NOS1AP: variants seen among roughly 807,000 people sequenced by gnomAD.
The protein encoded by NOS1AP is nitric oxide synthase 1 adaptor protein.
Under a neutral mutation model 56.2 loss-of-function variants are expected in NOS1AP, and 21 were observed. That is an observed-to-expected ratio of 0.37 (90% CI 0.26 to 0.54). The LOEUF (loss-of-function observed/expected upper bound fraction) is 0.54, where lower values mean the gene tolerates loss of function less well. Among genes scored for constraint, NOS1AP ranks in the 20% least tolerant of loss-of-function variants. The pLI is 0.84. For synonymous variants in NOS1AP, 270 were observed against 274.6 expected, an observed-to-expected ratio of 0.98 and a Z score of 0.17; for missense variants, 522 against 657.8, an observed-to-expected ratio of 0.79 and a Z score of 2.26.
At position 162,333,001 on chromosome 1, in the gene NOS1AP, G is replaced by A. The variant is rs1485851876; in HGVS notation, c.345-16G>A. The A allele has an allele frequency of 1.3e-6, 2 of 1,588,090 alleles. No homozygotes were observed. Among genetic ancestry groups the A allele is most frequent in the Admixed American group, 1.7e-5 (1 of 59,936 alleles). On this transcript the variant is annotated splice_polypyrimidine_tract_variant and intron_variant, in intron 4 of 9. Transcript: ENST00000361897. ...AAGGCCATTTTCAGTGCATTTTTCTGTTGTTCTTCCTTTAGGATCTTCTAT... is the reference window on the plus strand; with the variant it reads ...AAGGCCATTTTCAGTGCATTTTTCTATTGTTCTTCCTTTAGGATCTTCTAT...
chr1:162,317,019 G>A (rs564102023), intron 4 of NOS1AP: 2 of 154,236 alleles, frequency 1.3e-5, no homozygotes, highest in South Asian at 4.1e-4. Flanking sequence ...ATAATGATAA[G>A]GGGGTGGGTG....
intron 2 of NOS1AP, among the ~76,000 whole-genome samples, chr1:162,229,676 T>C (rs1653062874): frequency 6.6e-6 from 1 of 152,196 alleles, no homozygotes. Flanking sequence ...TAAATGTTTG[T>C]TGAATGAATG....
intron 1 of NOS1AP, among the ~76,000 whole-genome samples, chr1:162,130,680 G>C (rs1187061141): frequency 6.6e-6 from 1 of 152,212 alleles, no homozygotes; most frequent in East Asian, 1.9e-4. Context: ...CCGCTGAGAA[G>C]TCACCTAGTC....
At chr1:162,350,141 T>C (rs926346117) in intron 6 of NOS1AP, among the ~76,000 whole-genome samples, 2 of 152,232 alleles carry the variant, frequency 1.3e-5, no homozygotes, top group East Asian at 1.9e-4. Flanking sequence ...ACCTTCATGT[T>C]TGGGAGCTTT....
At chr1:162,178,108 CT>C (rs1372547306) in intron 2 of NOS1AP, among the ~76,000 whole-genome samples, 3 of 152,162 alleles carry the variant, frequency 2.0e-5, no homozygotes, top group Non-Finnish European at 4.4e-5. Context: ...GTATGAATGG[CT>C]TTTTAGATTG....
At chr1:162,247,903 G>A (rs1385149489) in intron 2 of NOS1AP, among the ~76,000 whole-genome samples, 1 of 152,136 alleles carries the variant, frequency 6.6e-6, no homozygotes, top group Admixed American at 6.5e-5. Context: ...ACAATTTCAA[G>A]GTCACAGTAA....
intron 5 of NOS1AP, among the ~76,000 whole-genome samples, chr1:162,334,891 A>G (rs1656889055): frequency 6.6e-6 from 1 of 152,238 alleles, no homozygotes; most frequent in South Asian, 2.1e-4. Flanking sequence ...TGGCTAGAAT[A>G]GAACCAGGGA....
intron 2 of NOS1AP, among the ~76,000 whole-genome samples, chr1:162,281,772 A>G (rs1161340574): frequency 6.6e-6 from 1 of 152,232 alleles, no homozygotes; most frequent in Non-Finnish European, 1.5e-5. Context: ...TGTTTGTTAC[A>G]TGGTGTTTTA....
chr1:162,182,469 G>GT (rs1651295330), intron 2 of NOS1AP, among the ~76,000 whole-genome samples: 2 of 152,194 alleles, frequency 1.3e-5, no homozygotes, highest in African/African-American at 4.8e-5. Flanking sequence ...AGGTGGCTGT[G>GT]TCAATTTCTT....
At chr1:162,220,066 G>A (rs1652717599) in intron 2 of NOS1AP, among the ~76,000 whole-genome samples, 1 of 152,202 alleles carries the variant, frequency 6.6e-6, no homozygotes, top group South Asian at 2.1e-4. Context: ...TGAGTGGGCA[G>A]TACTATAGAT....
intron 1 of NOS1AP, among the ~76,000 whole-genome samples, chr1:162,127,986 G>T (rs1354998703): frequency 6.6e-6 from 1 of 151,916 alleles, no homozygotes; most frequent in Non-Finnish European, 1.5e-5. Context: ...GTTTTGCTAT[G>T]CTTTTACATA....
At chr1:162,292,252 C>T (rs1190584381) in intron 3 of NOS1AP, among the ~76,000 whole-genome samples, 2 of 152,206 alleles carry the variant, frequency 1.3e-5, no homozygotes, top group Non-Finnish European at 2.9e-5. Context: ...TATCTCTTTC[C>T]CCCATAGTTT....
At chr1:162,073,939 G>A (rs1691716517) in intron 1 of NOS1AP, among the ~76,000 whole-genome samples, 1 of 152,144 alleles carries the variant, frequency 6.6e-6, no homozygotes, top group Non-Finnish European at 1.5e-5. Context: ...TGATCTCCCA[G>A]TATGTCTTCC....
In NOS1AP at chr1:162,176,227, GT is replaced by G. The variant is rs574747739; in HGVS notation, c.177+21756del. On this transcript the variant is annotated intron_variant, in intron 2 of 9. Transcript: ENST00000361897. ...ACTCTTGTGCTATAAAGTTCTGTGG[GT>G]TTTTGTCAAATGCTTAATGTCCTAT... Among the ~76,000 whole-genome samples the G allele has an allele frequency of 1.4e-4, 22 of 152,168 alleles. No individual in the cohort carries two copies. The East Asian group carries it at 3.9e-3, about 27-fold the overall frequency.
At chr1:162,315,927 A>G (rs1193212421) in intron 4 of NOS1AP, among the ~76,000 whole-genome samples, 1 of 152,184 alleles carries the variant, frequency 6.6e-6, no homozygotes, top group Non-Finnish European at 1.5e-5. Context: ...TTTATCTATC[A>G]TAGTTTTTAG....
chr1:162,151,185 T>C (rs540847545), intron 1 of NOS1AP, among the ~76,000 whole-genome samples: 2 of 152,350 alleles, frequency 1.3e-5, no homozygotes, highest in Admixed American at 1.3e-4. Context: ...CATATGGATA[T>C]CCAGTTTTCC....
intron 2 of NOS1AP, among the ~76,000 whole-genome samples, chr1:162,251,602 AT>A (rs1653849798): frequency 3.4e-5 from 5 of 146,192 alleles, no homozygotes; most frequent in Non-Finnish European, 7.6e-5. Context: ...AAATATATAT[AT>A]GTGTGTGTGT....
intron 2 of NOS1AP, among the ~76,000 whole-genome samples, chr1:162,183,844 T>A (rs144188177): frequency 9.1e-4 from 139 of 152,346 alleles, no homozygotes; most frequent in African/African-American, 3.1e-3. Flanking sequence ...CTGTCCAAAC[T>A]TTTTCCATAT....
chr1:162,342,261 G>A (rs1361287320), intron 5 of NOS1AP, among the ~76,000 whole-genome samples: 20 of 152,210 alleles, frequency 1.3e-4, no homozygotes, highest in Admixed American at 1.3e-3. Context: ...TAGTCTAATG[G>A]CTAAGAAAGG....
Sources: allele counts gnomAD v4.1 joint callset (sites outside exome capture counted in the v4.1 genomes callset), GRCh38; gene constraint gnomAD v4.1.1; transcripts MANE v1.5; gene names NCBI Gene and HGNC (gene_info 2026-07-23, HGNC 2026-07-21).